PTPRM: variants seen among roughly 807,000 people sequenced by gnomAD.
The protein encoded by PTPRM is receptor-type tyrosine-protein phosphatase mu.
PTPRM carries 47 observed loss-of-function variants against 186.7 expected under a neutral mutation model. The observed-to-expected ratio is 0.25, with a 90% CI of 0.20 to 0.32. The LOEUF is 0.32. Ranked by LOEUF, PTPRM falls within the 10% of genes least tolerant of loss-of-function variation. The probability of loss-of-function intolerance (pLI) is 1.00; values close to 1 mark genes in which losing one functional copy is unlikely to be tolerated. For synonymous variants in PTPRM, 668 were observed against 674.9 expected, an observed-to-expected ratio of 0.99 and a Z score of 0.16; for missense variants, 1,494 against 1,865.0, an observed-to-expected ratio of 0.80 and a Z score of 3.66.
chr18:8,100,986 A>G (rs563757025), intron 11 of PTPRM, among the ~76,000 whole-genome samples: 7 of 152,326 alleles, frequency 4.6e-5, no homozygotes, highest in African/African-American at 1.7e-4. Context: ...TAGAAGTTGT[A>G]AGAAATATGT....
intron 23 of PTPRM, among the ~76,000 whole-genome samples, chr18:8,350,885 T>C (rs2095530796): frequency 6.6e-6 from 1 of 151,672 alleles, no homozygotes; most frequent in African/African-American, 2.4e-5. Flanking sequence ...AGTGGAGCTC[T>C]CCAGGAAAAC....
chr18:8,036,724 T>C (rs1453571680), intron 7 of PTPRM, among the ~76,000 whole-genome samples: 1 of 152,216 alleles, frequency 6.6e-6, no homozygotes, highest in Non-Finnish European at 1.5e-5. Context: ...CTCTGACTTC[T>C]GCACCATTTC....
chr18:7,683,970 G>A (rs1189297790), intron 1 of PTPRM, among the ~76,000 whole-genome samples: 1 of 152,124 alleles, frequency 6.6e-6, no homozygotes, highest in Non-Finnish European at 1.5e-5. Context: ...AGCTTTTCAA[G>A]GCTATCTGCC....
chr18:7,922,439 C>T (rs1468851161), intron 4 of PTPRM, among the ~76,000 whole-genome samples: 1 of 152,226 alleles, frequency 6.6e-6, no homozygotes, highest in Admixed American at 6.5e-5. Flanking sequence ...TCCTGCCAGG[C>T]AATCCACAAT....
intron 14 of PTPRM, among the ~76,000 whole-genome samples, chr18:8,166,223 G>A (rs894973466): frequency 2.0e-5 from 3 of 152,074 alleles, no homozygotes; most frequent in African/African-American, 4.8e-5. Flanking sequence ...GTGGCTTGGC[G>A]GACTCCAACC....
chr18:7,808,709 T>C (rs978481977), intron 2 of PTPRM, among the ~76,000 whole-genome samples: 4 of 152,208 alleles, frequency 2.6e-5, no homozygotes, highest in Non-Finnish European at 5.9e-5. Flanking sequence ...TCAGCTAATC[T>C]TGAGGAAAGT....
intron 32 of PTPRM, among the ~76,000 whole-genome samples, chr18:8,401,882 C>A (rs559713010): frequency 1.3e-5 from 2 of 152,336 alleles, no homozygotes; most frequent in East Asian, 3.9e-4. Flanking sequence ...GCGTCAGGGA[C>A]CTTGGTGAGG....
chr18:7,891,888 AAAAG>A (rs1368747229), intron 3 of PTPRM, among the ~76,000 whole-genome samples: 5 of 152,290 alleles, frequency 3.3e-5, no homozygotes, highest in African/African-American at 1.2e-4. Context: ...AAAGGAAAAA[AAAAG>A]AAAGGCAATC....
chr18:8,185,461 C>G (rs556720454), intron 14 of PTPRM, among the ~76,000 whole-genome samples: 1 of 152,330 alleles, frequency 6.6e-6, no homozygotes, highest in East Asian at 1.9e-4. Context: ...GGTCGCGAGC[C>G]AGGCAGTGTG....
intron 7 of PTPRM, chr18:8,049,482 A>T (rs2087308879): frequency 6.6e-6 from 1 of 152,260 alleles, no homozygotes; most frequent in African/African-American, 2.4e-5. Context: ...TGAGACAAAG[A>T]GTTGATTTAT....
intron 22 of PTPRM, among the ~76,000 whole-genome samples, chr18:8,327,436 A>G (rs1248966655): frequency 6.6e-6 from 1 of 152,262 alleles, no homozygotes; most frequent in Admixed American, 6.5e-5. Context: ...TGACCAGGGC[A>G]TCTGAAGAAG....
chr18:8,192,475 CAAG>C (rs1352760189), intron 14 of PTPRM, among the ~76,000 whole-genome samples: 2 of 152,092 alleles, frequency 1.3e-5, no homozygotes, highest in Non-Finnish European at 2.9e-5. Flanking sequence ...CAAAAGAACA[CAAG>C]AGCCTGCATG....
intron 22 of PTPRM, among the ~76,000 whole-genome samples, chr18:8,332,605 G>A (rs993678198): frequency 2.6e-5 from 4 of 152,278 alleles, no homozygotes; most frequent in Admixed American, 6.5e-5. Flanking sequence ...AAGGCTAATC[G>A]TGGATACAGC....
chr18:8,050,141 A>C (rs2087373831), intron 7 of PTPRM, among the ~76,000 whole-genome samples: 1 of 152,234 alleles, frequency 6.6e-6, no homozygotes, highest in African/African-American at 2.4e-5. Context: ...TGCATATTGG[A>C]TCAGTCTGAA....
chr18:7,874,968 G>A (rs1404520780), intron 2 of PTPRM, among the ~76,000 whole-genome samples: 4 of 152,114 alleles, frequency 2.6e-5, no homozygotes, highest in South Asian at 2.1e-4. Flanking sequence ...CGCGGCGGGC[G>A]GATCACTTGA....
chr18:7,787,592 C>T (rs1230559843), intron 2 of PTPRM, among the ~76,000 whole-genome samples: 1 of 152,184 alleles, frequency 6.6e-6, no homozygotes, highest in South Asian at 2.1e-4. Context: ...AGCCCAGATG[C>T]CTGAGTGAGG....
In PTPRM at chr18:7,858,540, G is replaced by A. The variant is rs549532738; in HGVS notation, c.197-29566G>A. 2.0e-5 allele frequency among the ~76,000 whole-genome samples: 3 copies of A among 152,292 alleles called. No homozygotes were observed. The East Asian group carries it at 5.8e-4, about 29-fold the overall frequency. On this transcript the variant is annotated intron_variant, in intron 2 of 32. Transcript: ENST00000580170. ...TGTGCCACTGCACTCTACCCTGGGCGAGTGAGACCCTGTCTTTTAGAAAAC... is the reference window on the plus strand; with the variant it reads ...TGTGCCACTGCACTCTACCCTGGGCAAGTGAGACCCTGTCTTTTAGAAAAC...
At chr18:7,659,155 C>CACACACACACAA (rs1305244376) in intron 1 of PTPRM, among the ~76,000 whole-genome samples, 4 of 147,198 alleles carry the variant, frequency 2.7e-5, no homozygotes, top group African/African-American at 1.0e-4. Flanking sequence ...CACACACACA[C>CACACACACACAA]AATCTCCCTT....
At chr18:8,010,155 A>G (rs564607469) in intron 7 of PTPRM, among the ~76,000 whole-genome samples, 75 of 152,322 alleles carry the variant, frequency 4.9e-4, no homozygotes, top group Non-Finnish European at 9.7e-4. Flanking sequence ...ATACAGAGAC[A>G]TGAGTACATC....
Sources: gnomAD v4.1 joint callset for allele counts (sites outside exome capture counted in the v4.1 genomes callset) on GRCh38, gnomAD v4.1.1 for gene constraint, MANE v1.5 for transcripts, NCBI Gene and HGNC (gene_info 2026-07-23, HGNC 2026-07-21) for gene names.